Variants in ZFPM2 observed in about 807,000 individuals in gnomAD.
ZFPM2 encodes zinc finger protein, FOG family member 2.
Under a neutral mutation model 98.6 loss-of-function variants are expected in ZFPM2, and 20 were observed. The observed-to-expected ratio is 0.20, with a 90% CI of 0.14 to 0.29. ZFPM2 has a LOEUF of 0.29. Among genes scored for constraint, ZFPM2 ranks in the 10% least tolerant of loss-of-function variants. The pLI, the probability that ZFPM2 is intolerant of heterozygous loss-of-function variation, is 1.00. For missense variants in ZFPM2, 1,310 were observed against 1,388.6 expected (o/e 0.94, Z 0.90); for synonymous variants, 518 against 502.7 (o/e 1.03, Z -0.41).
intron 2 of ZFPM2, among the ~76,000 whole-genome samples, chr8:105,435,735 T>G (rs1273432718): frequency 6.6e-6 from 1 of 152,032 alleles, no homozygotes; most frequent in African/African-American, 2.4e-5. Context: ...AATATGAAAA[T>G]AAAATTGTAT....
At chr8:105,785,297 A>T (rs1420291902) in intron 5 of ZFPM2, 1 of 151,046 alleles carries the variant, frequency 6.6e-6, no homozygotes, top group Non-Finnish European at 1.5e-5. Flanking sequence ...CTGTGCATAC[A>T]CATATACACA....
At chr8:105,328,684 T>G (rs185139206) in intron 1 of ZFPM2, among the ~76,000 whole-genome samples, 1 of 152,016 alleles carries the variant, frequency 6.6e-6, no homozygotes, top group Non-Finnish European at 1.5e-5. Context: ...AAGTTATTTT[T>G]ATTTATTTAG....
chr8:105,370,081 G>T (rs1810588565), intron 1 of ZFPM2, among the ~76,000 whole-genome samples: 1 of 152,092 alleles, frequency 6.6e-6, no homozygotes. Flanking sequence ...CTGGTCCAGG[G>T]TCTCAGTCCA....
intron 5 of ZFPM2, among the ~76,000 whole-genome samples, chr8:105,783,820 G>T (rs550580623): frequency 1.3e-3 from 196 of 152,038 alleles, no homozygotes; most frequent in Admixed American, 3.7e-3. Context: ...CCATGTTTTA[G>T]CTATTGTGAA....
chr8:105,719,361 ACACATACAAC>A (rs1344819821), intron 5 of ZFPM2, among the ~76,000 whole-genome samples: 1 of 151,982 alleles, frequency 6.6e-6, no homozygotes, highest in Non-Finnish European at 1.5e-5. Context: ...ATACACACAC[ACACATACAAC>A]CACATACAAC....
chr8:105,418,351 A>C (rs560154915), intron 1 of ZFPM2, among the ~76,000 whole-genome samples: 12 of 152,236 alleles, frequency 7.9e-5, no homozygotes, highest in Admixed American at 1.3e-4. Context: ...GAAATTCACA[A>C]TCAGCCCAGT....
In ZFPM2 at chr8:105,419,148, G is replaced by A. The variant is rs1442044896; in HGVS notation, c.45G>A (p.Pro15=). ...KQSKPRQIKR[P]LEDAIEDEEE... is the part of the protein sequence containing the mutation. ...TTTCCCTGATTCTTTTTCAAGGGCC[G>A]CTTGAAGATGCCATTGAAGATGAGG... Residue 15 remains proline, a synonymous_variant, in exon 2 of 8, where the codon CCG becomes CCA. Coordinates refer to ENST00000407775, the MANE Select transcript of ZFPM2 (RefSeq NM_012082.4). 2 of 1,610,250 alleles carry A rather than the reference G, an allele frequency of 1.2e-6. No individual in the cohort carries two copies. Among genetic ancestry groups the A allele is most frequent in the African/African-American group, 2.7e-5 (2 of 74,798 alleles).
At chr8:105,589,639 C>G (rs776637002) in intron 4 of ZFPM2, among the ~76,000 whole-genome samples, 1 of 152,182 alleles carries the variant, frequency 6.6e-6, no homozygotes, top group Non-Finnish European at 1.5e-5. Flanking sequence ...CCACAAAACA[C>G]ATTACTTGCT....
chr8:105,414,998 C>T (rs1811653473), intron 1 of ZFPM2: 1 of 151,784 alleles, frequency 6.6e-6, no homozygotes, highest in African/African-American at 2.4e-5. Context: ...TGTCCATCAG[C>T]ATCGTCAGGT....
intron 5 of ZFPM2, among the ~76,000 whole-genome samples, chr8:105,745,543 AGGATAT>A (rs1347448368): frequency 6.6e-6 from 1 of 152,144 alleles, no homozygotes; most frequent in African/African-American, 2.4e-5. Flanking sequence ...CTTTCAGGAT[AGGATAT>A]GTTTTATTTC....
chr8:105,380,643 T>C (rs1179921017), intron 1 of ZFPM2, among the ~76,000 whole-genome samples: 3 of 27,856 alleles, frequency 1.1e-4, no homozygotes, highest in African/African-American at 6.6e-4. Context: ...ATTATATATA[T>C]ATTATATATA....
chr8:105,737,355 C>G (rs1235735871), intron 5 of ZFPM2: 1 of 153,278 alleles, frequency 6.5e-6, no homozygotes, highest in African/African-American at 2.4e-5. Context: ...AGCATTGCAG[C>G]CCACAGACTG....
At position 105,323,203 on chromosome 8, in the gene ZFPM2, A is replaced by T. The variant is rs562922044; in HGVS notation, c.40+4222A>T. ...TTAATTATCTACTGTGTTGTCTTTG[A>T]TATTTTTATTTTTAAAAATGTTTTG... On this transcript the variant is annotated intron_variant, in intron 1 of 7. Coordinates refer to ENST00000407775, the MANE Select transcript of ZFPM2 (RefSeq NM_012082.4). Among the ~76,000 whole-genome samples the T allele has an allele frequency of 8.6e-5, 13 of 151,934 alleles. No homozygotes were observed. In the South Asian group the frequency reaches 2.3e-3, roughly 27 times the overall value.
intron 4 of ZFPM2, among the ~76,000 whole-genome samples, chr8:105,569,189 T>G (rs1423245538): frequency 6.6e-6 from 1 of 152,222 alleles, no homozygotes; most frequent in Non-Finnish European, 1.5e-5. Flanking sequence ...CTATCTCCCC[T>G]GCAGACCATA....
At chr8:105,717,991 G>T (rs528947071) in intron 5 of ZFPM2, among the ~76,000 whole-genome samples, 1 of 151,922 alleles carries the variant, frequency 6.6e-6, no homozygotes, top group East Asian at 2.0e-4. Context: ...CTGAGTTCTG[G>T]TCTTTAACAG....
intron 1 of ZFPM2, among the ~76,000 whole-genome samples, chr8:105,330,780 ATAT>A (rs1453439654): frequency 6.7e-6 from 1 of 149,970 alleles, no homozygotes; most frequent in Admixed American, 6.7e-5. Flanking sequence ...GAGTCTGGTA[ATAT>A]TATTTATTGA....
intron 5 of ZFPM2, among the ~76,000 whole-genome samples, chr8:105,720,044 C>G (rs1811621046): frequency 6.6e-6 from 1 of 151,826 alleles, no homozygotes; most frequent in Admixed American, 6.6e-5. Flanking sequence ...AAAAACTTCC[C>G]AATTTACATG....
intron 2 of ZFPM2, among the ~76,000 whole-genome samples, chr8:105,423,879 A>G (rs1425365350): frequency 1.3e-5 from 2 of 152,338 alleles, no homozygotes; most frequent in East Asian, 1.9e-4. Flanking sequence ...TAATAATTGT[A>G]AAGTGAAATA....
chr8:105,735,182 G>A (rs1410204756), intron 5 of ZFPM2, among the ~76,000 whole-genome samples: 8 of 149,114 alleles, frequency 5.4e-5, no homozygotes, highest in Middle Eastern at 7.1e-3. Context: ...TAGATAAATA[G>A]ATATCCCTTC....
Sources: gnomAD v4.1 joint callset for allele counts (sites outside exome capture counted in the v4.1 genomes callset) on GRCh38, gnomAD v4.1.1 for gene constraint, MANE v1.5 for transcripts, NCBI Gene and HGNC (gene_info 2026-07-23, HGNC 2026-07-21) for gene names.